Variants in HTR2C observed in about 807,000 individuals in gnomAD.
HTR2C encodes 5-hydroxytryptamine (serotonin) receptor 2C, G protein-coupled.
HTR2C carries 5 observed loss-of-function variants against 21.0 expected under a neutral mutation model. The ratio of observed to expected loss-of-function variants is 0.24; its 90% CI spans 0.12 to 0.50. The LOEUF (loss-of-function observed/expected upper bound fraction) is 0.50, where lower values mean the gene tolerates loss of function less well. Among genes scored for constraint, HTR2C ranks in the 20% least tolerant of loss-of-function variants. HTR2C has a pLI of 0.98. For missense variants in HTR2C, 271 were observed against 371.2 expected (o/e 0.73, Z 2.22); for synonymous variants, 150 against 145.3 (o/e 1.03, Z -0.23).
chrX:114,724,298 G>C lies in HTR2C; in HGVS notation c.-79-2560G>C, dbSNP rs782491701. 8.1e-5 allele frequency among the ~76,000 whole-genome samples: 8 copies of C among 98,803 alleles called. No individual in the cohort carries two copies. The East Asian group carries it at 2.7e-3, about 33-fold the overall frequency. 85.8% of individuals were successfully genotyped at this position (98,803 alleles called of 115,157 possible). On this transcript the variant is annotated intron_variant, in intron 2 of 5. Coordinates refer to ENST00000276198, the MANE Select transcript of HTR2C (RefSeq NM_000868.4). ...GCCTTCTTTGTCTCTTTTGATCTTT[G>C]TTGGTTTAAAGTCTGTTTTATCAGA...
At chrX:114,906,056 C>G (rs782432336) in intron 5 of HTR2C, among the ~76,000 whole-genome samples, 188 of 112,055 alleles carry the variant, frequency 1.7e-3, no homozygotes, top group African/African-American at 5.8e-3. Context: ...TGCTTATTGA[C>G]TATTTCTGCA....
At chrX:114,751,994 C>G (rs913116481) in intron 4 of HTR2C, among the ~76,000 whole-genome samples, 9 of 111,923 alleles carry the variant, frequency 8.0e-5, no homozygotes, top group African/African-American at 2.9e-4. Context: ...TTCAAAAAGA[C>G]TAAGACCGTT....
At chrX:114,836,661 GTCTTCTGCATCGC>G (rs1173459920) in intron 4 of HTR2C, among the ~76,000 whole-genome samples, 1 of 112,082 alleles carries the variant, frequency 8.9e-6, no homozygotes, top group Non-Finnish European at 1.9e-5. Flanking sequence ...GAAATCACCC[GTCTTCTGCATCGC>G]TCAGGCTGGG....
intron 4 of HTR2C, chrX:114,776,187 TA>T: frequency 1.8e-6 from 1 of 555,285 alleles, no homozygotes. Flanking sequence ...AGGTCAAAGA[TA>T]AACACATTTC....
intron 5 of HTR2C, among the ~76,000 whole-genome samples, chrX:114,873,195 T>G (rs782163764): frequency 2.5e-4 from 28 of 112,090 alleles, no homozygotes; most frequent in Admixed American, 1.2e-3. Context: ...CCCATATTTA[T>G]AGCTTTTCTA....
chrX:114,731,687 AT>A, intron 4 of HTR2C, 80 bp downstream of exon 4: 1 of 739,122 alleles, frequency 1.4e-6, no homozygotes, highest in Non-Finnish European at 2.0e-6. Context: ...AAAGTTAATT[AT>A]TTTACTTGTA....
At chrX:114,619,857 A>G (rs1929088125) in intron 2 of HTR2C, among the ~76,000 whole-genome samples, 1 of 111,539 alleles carries the variant, frequency 9.0e-6, no homozygotes, top group African/African-American at 3.3e-5. Flanking sequence ...ATGTTAATTA[A>G]CTCCATGAGA....
At chrX:114,816,824 T>C (rs1280046628) in intron 4 of HTR2C, among the ~76,000 whole-genome samples, 1 of 110,638 alleles carries the variant, frequency 9.0e-6, no homozygotes, top group Non-Finnish European at 1.9e-5. Flanking sequence ...TCATCTCATC[T>C]CACATATAAA....
chrX:114,786,994 G>A (rs1465404411), intron 4 of HTR2C, among the ~76,000 whole-genome samples: 2 of 111,429 alleles, frequency 1.8e-5, no homozygotes, highest in Non-Finnish European at 3.8e-5. Flanking sequence ...TTAAGTGGCT[G>A]TGGCACAAAA....
chrX:114,779,755 A>G (rs1375711953), intron 4 of HTR2C, among the ~76,000 whole-genome samples: 1 of 112,102 alleles, frequency 8.9e-6, no homozygotes, highest in Non-Finnish European at 1.9e-5. Flanking sequence ...CTTTTGTTGC[A>G]TGTCAACTTA....
chrX:114,874,565 A>G (rs1415851317), intron 5 of HTR2C, among the ~76,000 whole-genome samples: 3 of 110,020 alleles, frequency 2.7e-5, no homozygotes, highest in Non-Finnish European at 5.7e-5. Flanking sequence ...CAGGGGTGCA[A>G]TGGCACGATC....
chrX:114,906,803 A>C lies in HTR2C; in HGVS notation c.765A>C (p.Glu255Asp). Residue 255 changes from glutamate to aspartate, a missense_variant, in exon 6 of 6, where the codon GAA becomes GAC. Coordinates refer to ENST00000276198, the MANE Select transcript of HTR2C (RefSeq NM_000868.4). ...ALMLLHGHTE[E>D]PPGLSLDFLK... ...TGTTACTGCACGGCCACACCGAGGA[A>C]CCGCCTGGACTAAGTCTGGATTTCC... 1.7e-6 allele frequency: 2 copies of C among 1,210,875 alleles called. No homozygotes were observed. The highest frequency in any genetic ancestry group is 3.0e-5 in the East Asian group (1 of 33,785).
At chrX:114,711,318 C>T (rs1467679327) in intron 2 of HTR2C, among the ~76,000 whole-genome samples, 2 of 111,565 alleles carry the variant, frequency 1.8e-5, no homozygotes, top group Non-Finnish European at 3.8e-5. Flanking sequence ...AATATATAAT[C>T]ACAAATATGT....
intron 4 of HTR2C, chrX:114,776,473 G>A: frequency 3.4e-6 from 2 of 580,705 alleles, no homozygotes; most frequent in South Asian, 4.6e-5. Context: ...CTTGGACCTT[G>A]GGCCTGTCAG....
In HTR2C at chrX:114,776,648, G is replaced by A. The variant is rs373004916; in HGVS notation, c.349+45041G>A. The A allele has an allele frequency of 1.1e-4, 55 of 502,006 alleles. No homozygotes were observed. The African/African-American group carries it at 1.1e-3, about 10-fold the overall frequency. The allele number at this position is 502,006 out of a possible 1,213,427, so 41.4% of individuals were successfully genotyped here. On this transcript the variant is annotated intron_variant, in intron 4 of 5. Transcript: ENST00000276198. ...AATCAATCATTCAGTGTTCATAAAG[G>A]TGACATAGCTTGGAGTGGTTCAGTT...
At chrX:114,626,734 C>A (rs1399118105) in intron 2 of HTR2C, among the ~76,000 whole-genome samples, 2 of 112,227 alleles carry the variant, frequency 1.8e-5, no homozygotes, top group Non-Finnish European at 3.8e-5. Flanking sequence ...AGAAGGAATT[C>A]ATATGATTTG....
intron 2 of HTR2C, among the ~76,000 whole-genome samples, chrX:114,716,967 G>A (rs1173250526): frequency 9.0e-6 from 1 of 111,415 alleles, no homozygotes; most frequent in Non-Finnish European, 1.9e-5. Context: ...CATAATTTCT[G>A]AACACTGAAA....
intron 2 of HTR2C, among the ~76,000 whole-genome samples, chrX:114,647,885 T>A (rs781973956): frequency 8.9e-6 from 1 of 111,956 alleles, no homozygotes; most frequent in African/African-American, 3.2e-5. Context: ...GTACAGTCTG[T>A]ATTTTGCTAT....
intron 2 of HTR2C, among the ~76,000 whole-genome samples, chrX:114,664,477 T>G (rs888957539): frequency 8.9e-6 from 1 of 111,835 alleles, no homozygotes; most frequent in Admixed American, 9.5e-5. Context: ...GTGTTTTGGT[T>G]TTCTGTATCT....
Sources: gnomAD v4.1 joint callset for allele counts (sites outside exome capture counted in the v4.1 genomes callset) on GRCh38, gnomAD v4.1.1 for gene constraint, MANE v1.5 for transcripts, NCBI Gene and HGNC (gene_info 2026-07-23, HGNC 2026-07-21) for gene names.